Variants in CAB39L observed in about 807,000 individuals in gnomAD.
CAB39L encodes calcium-binding protein 39-like.
A neutral mutation model predicts 39.1 loss-of-function variants in CAB39L; 23 were observed. The observed-to-expected ratio is 0.59, with a 90% confidence interval of 0.42 to 0.83. The LOEUF is 0.83. CAB39L is among the 40% of genes least tolerant of loss of function. CAB39L has a pLI of 0.00. For missense variants in CAB39L, 366 were observed against 391.9 expected (o/e 0.93, Z 0.56); for synonymous variants, 126 against 137.2 (o/e 0.92, Z 0.57).
At chr13:49,403,239 G>C (rs9285171) in intron 3 of CAB39L, among the ~76,000 whole-genome samples, 64,149 of 151,898 alleles carry the variant, frequency 0.42, 13,853 homozygotes, top group Middle Eastern at 0.53. Context: ...TGAGTATTCA[G>C]AAGGATATTG....
chr13:49,386,814 C>T (rs749677979), intron 3 of CAB39L, among the ~76,000 whole-genome samples: 2 of 151,602 alleles, frequency 1.3e-5, no homozygotes, highest in African/African-American at 2.4e-5. Flanking sequence ...ACCTCCCCCA[C>T]TCCCAGACTA....
At chr13:49,320,829 C>CA (rs1396919090) in intron 10 of CAB39L, among the ~76,000 whole-genome samples, 1 of 152,152 alleles carries the variant, frequency 6.6e-6, no homozygotes. Flanking sequence ...TGATCAGAGA[C>CA]AATTAACTTT....
In CAB39L at chr13:49,332,180, A is replaced by T. The variant is rs116043436; in HGVS notation, c.691-90T>A. The T allele has an allele frequency of 6.7e-4, 970 of 1,439,324 alleles. 3 individuals are homozygous for T. The African/African-American group carries it at 0.011, about 16-fold the overall frequency. 89.2% of individuals were successfully genotyped at this position (1,439,324 alleles called of 1,614,324 possible). A position where few individuals can be genotyped will look rare whatever the true frequency, so the allele number is the denominator to read the frequency against. ...TCTTCTCACTGAAAAACAAAATATA[A>T]ATGTGAGTAAGAATGGTGTTGTGAA... On this transcript the variant is annotated intron_variant, in intron 9 of 10. Transcript: ENST00000409308.
intron 3 of CAB39L, among the ~76,000 whole-genome samples, chr13:49,429,875 CTT>C (rs1203366206): frequency 6.6e-6 from 1 of 152,104 alleles, no homozygotes; most frequent in Admixed American, 6.5e-5. Context: ...TTACTATAGT[CTT>C]GAGATTTTTC....
chr13:49,443,546 T>A (rs2138773249), intron 1 of CAB39L, among the ~76,000 whole-genome samples: 1 of 152,236 alleles, frequency 6.6e-6, no homozygotes, highest in Middle Eastern at 3.4e-3. Flanking sequence ...GCACTCCCCT[T>A]CCACTACTAG....
Position 49,382,839 on chromosome 13 carries a change from A to G in CAB39L, c.72T>C (p.Asn24=). The change falls in exon 4 of 11, where the codon AAT becomes AAC. Residue 24 remains asparagine, a synonymous_variant. Transcript: ENST00000409308. ...PAEIVKILKD[N]LAILEKQDKK... ...TGTCTTGCTTTTCCAAAATGGCCAA[A>G]TTGTCTTTCAGGATTTTCACAATTT... The G allele has an allele frequency of 6.2e-7, 1 of 1,611,498 alleles. No individual in the cohort carries two copies. The highest frequency in any genetic ancestry group is 8.5e-7 in the Non-Finnish European group (1 of 1,178,934).
chr13:49,420,378 T>G (rs1467721437), intron 3 of CAB39L: 2 of 152,272 alleles, frequency 1.3e-5, no homozygotes, highest in South Asian at 4.1e-4. Flanking sequence ...GCTGGGTTAT[T>G]AGCATTTTGC....
chr13:49,331,559 A>C (rs1349255158), intron 10 of CAB39L, among the ~76,000 whole-genome samples: 2 of 152,164 alleles, frequency 1.3e-5, no homozygotes, highest in African/African-American at 4.8e-5. Flanking sequence ...AATAATATTA[A>C]TAATGTGAGT....
chr13:49,389,965 G>A (rs969736163), intron 3 of CAB39L, among the ~76,000 whole-genome samples: 1 of 152,158 alleles, frequency 6.6e-6, no homozygotes, highest in Non-Finnish European at 1.5e-5. Context: ...TGGGACCACA[G>A]GCATGTGCCA....
rs756924758 is a variant in CAB39L, at chr13:49,332,085, T to C, written c.696A>G (p.Leu232=). Residue 232 remains leucine (L), a synonymous_variant, in exon 10 of 11, where the codon CTA becomes CTG. Coordinates refer to ENST00000409308, the MANE Select transcript of CAB39L (RefSeq NM_001079670.3). Reference sequence around the variant, plus strand: ...TGTGACGGTCCAGGATCAGCTCCCCTAGCAGCTAGAGGAAAACACAAAACC... The same window carrying C: ...TGTGACGGTCCAGGATCAGCTCCCCCAGCAGCTAGAGGAAAACACAAAACC... ...YVTKRQSLKL[L]GELILDRHNF... The C allele has an allele frequency of 1.1e-5, 17 of 1,613,550 alleles. No homozygotes were observed. Among genetic ancestry groups the C allele is most frequent in the Non-Finnish European group, 1.4e-5 (17 of 1,179,760 alleles).
At chr13:49,378,396 GTCC>G (rs1956151855) in intron 4 of CAB39L, among the ~76,000 whole-genome samples, 1 of 62,648 alleles carries the variant, frequency 1.6e-5, no homozygotes, top group Admixed American at 1.2e-4. Flanking sequence ...CAGCCGTGCC[GTCC>G]GGGAGGGAGG....
chr13:49,367,995 G>A (rs1955815161), intron 5 of CAB39L, among the ~76,000 whole-genome samples: 1 of 151,730 alleles, frequency 6.6e-6, no homozygotes. Flanking sequence ...TATATTTGCT[G>A]TATAAAAAAA....
rs1183503433 is a variant in CAB39L at position 49,350,812 on chromosome 13, TGAA to T, written c.493_495del (p.Phe165del). On this transcript the variant is annotated inframe_deletion, in exon 7 of 11. Coordinates refer to ENST00000409308, the MANE Select transcript of CAB39L (RefSeq NM_001079670.3). ...AACTCCACGTACTTAAAGAAATCTC[TGAA>T]TTGATTAGAAAAGAGGATGATTTTG... 1 of 1,611,346 alleles carries T rather than the reference TGAA, an allele frequency of 6.2e-7. No homozygotes were observed. Among genetic ancestry groups the T allele is most frequent in the African/African-American group, 1.3e-5 (1 of 74,948 alleles).
intron 8 of CAB39L, among the ~76,000 whole-genome samples, chr13:49,340,021 T>A (rs1363698085): frequency 1.3e-5 from 2 of 152,238 alleles, no homozygotes; most frequent in African/African-American, 4.8e-5. Flanking sequence ...GCAAGAGAAC[T>A]CATTTTATGC....
chr13:49,436,011 T>G (rs1009671958), intron 1 of CAB39L, among the ~76,000 whole-genome samples: 3 of 152,252 alleles, frequency 2.0e-5, no homozygotes, highest in Non-Finnish European at 2.9e-5. Flanking sequence ...ATTTAAATAC[T>G]TTTTTATTAA....
chr13:49,313,010 TAAAC>T, intron 10 of CAB39L, among the ~76,000 whole-genome samples: 1 of 152,174 alleles, frequency 6.6e-6, no homozygotes. Flanking sequence ...TATTTAAACA[TAAAC>T]AACATATAGT....
chr13:49,352,867 T>A (rs1238670020), intron 6 of CAB39L, among the ~76,000 whole-genome samples: 1 of 152,252 alleles, frequency 6.6e-6, no homozygotes, highest in Non-Finnish European at 1.5e-5. Flanking sequence ...ATTTTATTAC[T>A]CATCAACTAC....
At chr13:49,358,488 T>C (rs1955542984) in intron 6 of CAB39L, among the ~76,000 whole-genome samples, 1 of 152,122 alleles carries the variant, frequency 6.6e-6, no homozygotes, top group South Asian at 2.1e-4. Flanking sequence ...GAGGTAAATA[T>C]ATGATGAAAA....
At chr13:49,320,437 T>C (rs1410678380) in intron 10 of CAB39L, among the ~76,000 whole-genome samples, 1 of 152,230 alleles carries the variant, frequency 6.6e-6, no homozygotes, top group Non-Finnish European at 1.5e-5. Flanking sequence ...GCAAATATCA[T>C]GACCACAACT....
Sources: gnomAD v4.1 joint callset for allele counts (sites outside exome capture counted in the v4.1 genomes callset) on GRCh38, gnomAD v4.1.1 for gene constraint, MANE v1.5 for transcripts, NCBI Gene and HGNC (gene_info 2026-07-23, HGNC 2026-07-21) for gene names.